Variants in HDGFL3 observed in about 807,000 individuals in gnomAD.
The protein encoded by HDGFL3 is HDGF like 3.
Under a neutral mutation model 27.6 loss-of-function variants are expected in HDGFL3, and 6 were observed. The ratio of observed to expected loss-of-function variants is 0.22; its 90% confidence interval spans 0.12 to 0.43. The LOEUF (loss-of-function observed/expected upper bound fraction) is 0.43. Ranked by LOEUF, HDGFL3 falls within the 20% of genes least tolerant of loss-of-function variation. The pLI is 1.00. For synonymous variants in HDGFL3, 88 were observed against 88.9 expected, an observed-to-expected ratio of 0.99 and a Z score of 0.05; for missense variants, 207 against 250.1, an observed-to-expected ratio of 0.83 and a Z score of 1.16.
chr15:83,160,503 T>A (rs2037087150), intron 2 of HDGFL3, among the ~76,000 whole-genome samples: 1 of 145,536 alleles, frequency 6.9e-6, no homozygotes, highest in Non-Finnish European at 1.5e-5. Context: ...GGTTTTGGAC[T>A]GAGAAATAAG....
At chr15:83,202,423 C>G (rs983634063) in intron 1 of HDGFL3, among the ~76,000 whole-genome samples, 6 of 151,996 alleles carry the variant, frequency 3.9e-5, no homozygotes, top group Non-Finnish European at 5.9e-5. Context: ...TGCAGGTAAA[C>G]AAACCAGACA....
chr15:83,162,889 T>G (rs1360166522), intron 2 of HDGFL3, among the ~76,000 whole-genome samples: 1 of 152,234 alleles, frequency 6.6e-6, no homozygotes, highest in Non-Finnish European at 1.5e-5. Flanking sequence ...CATTTGTTTT[T>G]TGTTGTAAAT....
chr15:83,127,489 A>G, downstream of HDGFL3: 1 of 1,612,482 alleles, frequency 6.2e-7, no homozygotes, highest in Non-Finnish European at 8.5e-7. Context: ...TACTAAGAAT[A>G]TTCTGTTGAG....
intron 1 of HDGFL3, among the ~76,000 whole-genome samples, chr15:83,164,454 A>G (rs1169941769): frequency 6.6e-6 from 1 of 152,048 alleles, no homozygotes; most frequent in Non-Finnish European, 1.5e-5. Flanking sequence ...CCCTAGAAAC[A>G]TAAATAATGC....
rs1331687226 is a variant in HDGFL3, at chr15:83,203,037, G to GT, written c.84+4293dup. Among the ~76,000 whole-genome samples the GT allele has an allele frequency of 1.3e-5, 2 of 152,022 alleles. 1 individual carries two copies. Among genetic ancestry groups the GT allele is most frequent in the Middle Eastern group, 6.3e-3 (2 of 316 alleles). The stretch of plus-strand genomic sequence containing the variant: ...GTATATGCCTAGAAGAGACTGCTAG[G>GT]TCACAAGGTAAGCATATGTAGATTA... On this transcript the variant is annotated intron_variant, in intron 1 of 5. Transcript: ENST00000299633.
chr15:83,173,066 T>C (rs2037266164), intron 1 of HDGFL3, among the ~76,000 whole-genome samples: 1 of 152,194 alleles, frequency 6.6e-6, no homozygotes, highest in African/African-American at 2.4e-5. Flanking sequence ...TATTTTGTCG[T>C]AGCAAAACAA....
In HDGFL3 at chr15:83,139,199, C is replaced by A; in HGVS notation, c.*71G>T. 2 of 1,109,832 alleles carry A rather than the reference C, an allele frequency of 1.8e-6. No individual in the cohort carries two copies. The highest frequency in any genetic ancestry group is 2.4e-6 in the Non-Finnish European group (2 of 818,294). The allele number at this position is 1,109,832 out of a possible 1,614,324, so 68.7% of individuals were successfully genotyped here. ...ACTATGTGTTGGTTCATATCAAATC[C>A]AAGAATATTAGACAACCAAACATAT... On this transcript the variant is annotated 3_prime_UTR_variant, in exon 6 of 6. Coordinates refer to ENST00000299633, the MANE Select transcript of HDGFL3 (RefSeq NM_016073.4).
chr15:83,182,507 G>A (rs1644077528), intron 1 of HDGFL3, among the ~76,000 whole-genome samples: 1 of 152,102 alleles, frequency 6.6e-6, no homozygotes, highest in South Asian at 2.1e-4. Context: ...TAACATGAAT[G>A]AATCTTTAAA....
chr15:83,142,270 A>G (rs1435159652), intron 5 of HDGFL3, among the ~76,000 whole-genome samples: 1 of 152,228 alleles, frequency 6.6e-6, no homozygotes, highest in Non-Finnish European at 1.5e-5. Flanking sequence ...AAATGGAATC[A>G]ACCTAAATGC....
chr15:83,176,565 T>G (rs1201418586), intron 1 of HDGFL3, among the ~76,000 whole-genome samples: 1 of 152,130 alleles, frequency 6.6e-6, no homozygotes, highest in East Asian at 1.9e-4. Flanking sequence ...AGAAAACTTA[T>G]TATCAGAGTT....
chr15:83,141,892 G>C (rs1454005477), intron 5 of HDGFL3, among the ~76,000 whole-genome samples: 1 of 152,234 alleles, frequency 6.6e-6, no homozygotes, highest in Non-Finnish European at 1.5e-5. Context: ...AAGCTATTCA[G>C]AGCGCTAGAC....
At chr15:83,173,796 G>C (rs1181376378) in intron 1 of HDGFL3, among the ~76,000 whole-genome samples, 2 of 152,044 alleles carry the variant, frequency 1.3e-5, no homozygotes. Flanking sequence ...GGTCCCATAA[G>C]TAACTTAAAC....
In HDGFL3 at chr15:83,157,841, T is replaced by C. The variant is rs2037052907; in HGVS notation, c.300+62A>G. Reference sequence around the variant, plus strand: ...AGTAGAAAGGACATATAAGAAAGATTTGAAAAAGCGTTAAAACCAAAGAAA... The same window carrying C: ...AGTAGAAAGGACATATAAGAAAGATCTGAAAAAGCGTTAAAACCAAAGAAA... On this transcript the variant is annotated intron_variant, in intron 3 of 5. Coordinates refer to ENST00000299633, the MANE Select transcript of HDGFL3 (RefSeq NM_016073.4). 38 of 1,478,868 alleles carry C rather than the reference T, an allele frequency of 2.6e-5. No individual in the cohort carries two copies. The South Asian group carries it at 4.1e-4, about 16-fold the overall frequency. 91.6% of individuals were successfully genotyped at this position (1,478,868 alleles called of 1,614,324 possible).
intron 3 of HDGFL3, among the ~76,000 whole-genome samples, chr15:83,121,615 A>C (rs188205554): frequency 1.3e-5 from 2 of 152,132 alleles, no homozygotes; most frequent in African/African-American, 4.8e-5. Flanking sequence ...CATGCTGTTG[A>C]GTTTCACACA....
chr15:83,173,595 T>G (rs2037272737), intron 1 of HDGFL3, among the ~76,000 whole-genome samples: 1 of 152,196 alleles, frequency 6.6e-6, no homozygotes, highest in African/African-American at 2.4e-5. Context: ...TTTTTTATGT[T>G]TCTCTAGATT....
chr15:83,145,500 C>T lies in HDGFL3; in HGVS notation c.606+5715G>A, dbSNP rs2036871842. On this transcript the variant is annotated intron_variant, in intron 5 of 5. Transcript: ENST00000299633. ...TCTGTTCTCTCCCACAGCTCTTGTA[C>T]TACTACTTGCCCTGGAGGTGGAGAA... Among the ~76,000 whole-genome samples the T allele has an allele frequency of 2.0e-5, 3 of 152,170 alleles. No individual in the cohort carries two copies. In the South Asian group the frequency reaches 6.2e-4, roughly 31 times the overall value.
At chr15:83,176,659 T>TG (rs775177932) in intron 1 of HDGFL3, among the ~76,000 whole-genome samples, 7 of 152,158 alleles carry the variant, frequency 4.6e-5, no homozygotes, top group Non-Finnish European at 7.3e-5. Context: ...TTATAGACTT[T>TG]GGGGAAGAAT....
chr15:83,184,235 G>A (rs1250349283), intron 1 of HDGFL3, among the ~76,000 whole-genome samples: 3 of 152,092 alleles, frequency 2.0e-5, no homozygotes, highest in Non-Finnish European at 4.4e-5. Flanking sequence ...CCAACTCTTT[G>A]TTTTATTCAA....
At position 83,200,334 on chromosome 15, in the gene HDGFL3, C is replaced by CAA. The variant is rs1160913925; in HGVS notation, c.84+6995_84+6996dup. On this transcript the variant is annotated intron_variant, in intron 1 of 5. Transcript: ENST00000299633. The stretch of plus-strand genomic sequence containing the variant: ...TTCATGACAGAGCAAGACTCCATCT[C>CAA]AAAAAAAAAAAAGAAAGAAAAAAAA... 3.0e-3 allele frequency among the ~76,000 whole-genome samples: 400 copies of CAA among 132,848 alleles called. 2 individuals carry two copies. Among genetic ancestry groups the CAA allele is most frequent in the African/African-American group, 0.01 (376 of 36,234 alleles). The allele number at this position is 132,848 out of a possible 152,430, so 87.2% of individuals were successfully genotyped here.
Sources: gnomAD v4.1 joint callset for allele counts (sites outside exome capture counted in the v4.1 genomes callset) on GRCh38, gnomAD v4.1.1 for gene constraint, MANE v1.5 for transcripts, NCBI Gene and HGNC (gene_info 2026-07-23, HGNC 2026-07-21) for gene names.